Variants in SPIRE1 observed in about 807,000 individuals in gnomAD.
SPIRE1 encodes protein spire homolog 1.
Under a neutral mutation model 94.1 loss-of-function variants are expected in SPIRE1, and 40 were observed. The ratio of observed to expected loss-of-function variants is 0.43; its 90% CI spans 0.33 to 0.55. The LOEUF is 0.55. Ranked by LOEUF, SPIRE1 falls within the 20% of genes least tolerant of loss-of-function variation. The probability of loss-of-function intolerance (pLI) is 0.06; values close to 1 mark genes in which losing one functional copy is unlikely to be tolerated. For missense variants in SPIRE1, 838 were observed against 975.2 expected, an observed-to-expected ratio of 0.86 and a Z score of 1.87; for synonymous variants, 376 against 371.7, an observed-to-expected ratio of 1.01 and a Z score of -0.13.
chr18:12,578,378 C>T lies in SPIRE1; in HGVS notation c.373-31474G>A, dbSNP rs141458456. The stretch of plus-strand genomic sequence containing the variant: ...AATAATAGCCAGTAATACAAAGGGA[C>T]GCACTACTAGTGCACACTCAACACA... On this transcript the variant is annotated intron_variant, in intron 2 of 16. Transcript: ENST00000409402. Among the ~76,000 whole-genome samples, 605 of 152,252 alleles carry T rather than the reference C, an allele frequency of 4.0e-3. 2 individuals carry two copies. The highest frequency in any genetic ancestry group is 6.6e-3 in the Non-Finnish European group (447 of 68,024).
intron 12 of SPIRE1, among the ~76,000 whole-genome samples, chr18:12,461,197 A>C (rs1176074413): frequency 6.6e-6 from 1 of 152,160 alleles, no homozygotes; most frequent in African/African-American, 2.4e-5. Context: ...CTTCTATTAT[A>C]AGCTGAAACT....
At chr18:12,550,792 C>T (rs914714103) in intron 2 of SPIRE1, among the ~76,000 whole-genome samples, 6 of 152,234 alleles carry the variant, frequency 3.9e-5, no homozygotes, top group Non-Finnish European at 8.8e-5. Flanking sequence ...TTAACCCATT[C>T]TCATCCTAAA....
chr18:12,603,817 C>T (rs956508506), intron 2 of SPIRE1, among the ~76,000 whole-genome samples: 3 of 152,256 alleles, frequency 2.0e-5, no homozygotes, highest in Admixed American at 1.3e-4. Context: ...TTGTGATCTG[C>T]CTGCCTTGGC....
chr18:12,551,894 G>A (rs1382626064), intron 2 of SPIRE1, among the ~76,000 whole-genome samples: 1 of 152,122 alleles, frequency 6.6e-6, no homozygotes, highest in Admixed American at 6.5e-5. Context: ...GGGTAGGAAA[G>A]ACAGTCTTGA....
intron 2 of SPIRE1, among the ~76,000 whole-genome samples, chr18:12,616,228 C>T: frequency 6.6e-6 from 1 of 152,068 alleles, no homozygotes. Flanking sequence ...GTAGTCATTA[C>T]TAAAGTTTGT....
chr18:12,452,641 A>G, intron 14 of SPIRE1, 129 bp from the exon 15 acceptor site: 1 of 936,788 alleles, frequency 1.1e-6, no homozygotes, highest in South Asian at 1.4e-5. Context: ...TTCTATTAGA[A>G]TGTAACAAAT....
At chr18:12,659,563 G>A (rs1234218673), upstream of SPIRE1, among the ~76,000 whole-genome samples, 4 of 152,090 alleles carry the variant, frequency 2.6e-5, no homozygotes, top group Admixed American at 2.0e-4. Context: ...CCAGCTACCC[G>A]GGAGGCTGAG....
At chr18:12,466,578 C>G (rs1302242721) in intron 10 of SPIRE1, among the ~76,000 whole-genome samples, 2 of 152,070 alleles carry the variant, frequency 1.3e-5, no homozygotes, top group Non-Finnish European at 2.9e-5. Context: ...CCACGTCCAG[C>G]CTATAGGCAT....
At chr18:12,632,572 C>T (rs1463269142) in intron 2 of SPIRE1, among the ~76,000 whole-genome samples, 1 of 152,114 alleles carries the variant, frequency 6.6e-6, no homozygotes, top group Non-Finnish European at 1.5e-5. Context: ...GGATAAATGA[C>T]CATCCACAAT....
chr18:12,512,783 T>C (rs1006195260), intron 4 of SPIRE1, among the ~76,000 whole-genome samples: 1 of 151,528 alleles, frequency 6.6e-6, no homozygotes, highest in Non-Finnish European at 1.5e-5. Flanking sequence ...TTCTTTTTTT[T>C]TTTTTTTTTA....
chr18:12,658,030 G>A lies in SPIRE1; in HGVS notation c.-164C>T. ...GACCAGGCGAGTGCCCGGGAGGCGT[G>A]GGCAAGAGGAGGGCGGCGAGGACAC... is the stretch of plus-strand genomic sequence containing the variant. On this transcript the variant is annotated 5_prime_UTR_variant, in exon 1 of 17. Transcript: ENST00000409402. The A allele has an allele frequency of 1.0e-6, 1 of 992,880 alleles. No individual in the cohort carries two copies. Among genetic ancestry groups the A allele is most frequent in the East Asian group, 1.1e-4 (1 of 9,090 alleles). 61.5% of individuals were successfully genotyped at this position (992,880 alleles called of 1,614,324 possible).
intron 10 of SPIRE1, among the ~76,000 whole-genome samples, chr18:12,478,508 A>AGT (rs371554746): frequency 8.3e-6 from 1 of 119,992 alleles, no homozygotes; most frequent in African/African-American, 3.3e-5. Flanking sequence ...ATGAAGCTAG[A>AGT]GTGTGTGTGT....
At chr18:12,593,817 T>A (rs1263923050) in intron 2 of SPIRE1, among the ~76,000 whole-genome samples, 1 of 152,160 alleles carries the variant, frequency 6.6e-6, no homozygotes, top group Non-Finnish European at 1.5e-5. Flanking sequence ...CCGGGTGTGG[T>A]GGCACATGCC....
intron 2 of SPIRE1, among the ~76,000 whole-genome samples, chr18:12,610,603 T>C (rs1043430989): frequency 2.0e-5 from 3 of 152,182 alleles, no homozygotes; most frequent in Non-Finnish European, 2.9e-5. Flanking sequence ...TGCATTTGTA[T>C]AGCTGAATGT....
At chr18:12,656,726 T>A in intron 1 of SPIRE1, 4 of 977,970 alleles carry the variant, frequency 4.1e-6, no homozygotes, top group Non-Finnish European at 4.9e-6. Context: ...TCAATGAGCA[T>A]CTGAGTAAAC....
Position 12,485,942 on chromosome 18 carries a change from G to C in SPIRE1, c.1231+17C>G. Reference sequence around the variant, plus strand: ...CAAAACCCACGTCAGGTGTAAAAGTGTTTTTGTTTTTTTTACCTGACAAGT... The same window carrying C: ...CAAAACCCACGTCAGGTGTAAAAGTCTTTTTGTTTTTTTTACCTGACAAGT... On this transcript the variant is annotated intron_variant, in intron 9 of 16. Coordinates refer to ENST00000409402, the MANE Select transcript of SPIRE1 (RefSeq NM_001128626.2). 6.6e-7 allele frequency: 1 copy of C among 1,526,140 alleles called. No homozygotes were observed. The highest frequency in any genetic ancestry group is 8.8e-7 in the Non-Finnish European group (1 of 1,133,924). 94.5% of individuals were successfully genotyped at this position (1,526,140 alleles called of 1,614,324 possible).
chr18:12,587,314 C>T (rs1478789580), intron 2 of SPIRE1, among the ~76,000 whole-genome samples: 1 of 152,182 alleles, frequency 6.6e-6, no homozygotes, highest in African/African-American at 2.4e-5. Context: ...TCCCTAACTT[C>T]ATAGTTTTGA....
chr18:12,519,988 A>G (rs1231768227), intron 4 of SPIRE1, among the ~76,000 whole-genome samples: 2 of 152,212 alleles, frequency 1.3e-5, no homozygotes, highest in African/African-American at 4.8e-5. Context: ...AAAATTATCC[A>G]TGACACCACT....
rs77791848 is a variant in SPIRE1 at position 12,608,915 on chromosome 18, C to G, written c.372+26147G>C. On this transcript the variant is annotated intron_variant, in intron 2 of 16. Transcript: ENST00000409402. ...CTAGTAGAACTCCAAAGCAGCAGTCCCCAATCTTTTTGGCACCAGGGACGG... is the reference window on the plus strand; with the variant it reads ...CTAGTAGAACTCCAAAGCAGCAGTCGCCAATCTTTTTGGCACCAGGGACGG... Among the ~76,000 whole-genome samples the G allele has an allele frequency of 1.3e-3, 199 of 152,122 alleles. 3 individuals are homozygous for G. The East Asian group carries it at 0.031, about 24-fold the overall frequency.
Sources: gnomAD v4.1 joint callset for allele counts (sites outside exome capture counted in the v4.1 genomes callset) on GRCh38, gnomAD v4.1.1 for gene constraint, MANE v1.5 for transcripts, NCBI Gene and HGNC (gene_info 2026-07-23, HGNC 2026-07-21) for gene names.